Variants in TRAPPC9 observed in about 807,000 individuals in gnomAD.
TRAPPC9 encodes the protein IKK2 binding protein.
A neutral mutation model predicts 124.0 loss-of-function variants in TRAPPC9; 83 were observed. The ratio of observed to expected loss-of-function variants is 0.67; its 90% CI spans 0.56 to 0.80. The LOEUF (loss-of-function observed/expected upper bound fraction) is 0.80. Among genes scored for constraint, TRAPPC9 ranks in the 30% least tolerant of loss-of-function variants. TRAPPC9 has a pLI of 0.00. For missense variants in TRAPPC9, 1,302 were observed against 1,508.3 expected (o/e 0.86, Z 2.27); for synonymous variants, 638 against 617.5 (o/e 1.03, Z -0.49).
chr8:140,023,662 T>G (rs1839948093), intron 18 of TRAPPC9, among the ~76,000 whole-genome samples: 1 of 152,122 alleles, frequency 6.6e-6, no homozygotes, highest in Non-Finnish European at 1.5e-5. Context: ...GTGTGCACAG[T>G]GAGAACCACA....
intron 17 of TRAPPC9, among the ~76,000 whole-genome samples, chr8:140,190,595 G>A (rs1172245088): frequency 6.6e-6 from 1 of 152,208 alleles, no homozygotes; most frequent in Non-Finnish European, 1.5e-5. Context: ...GCAGAGCCTG[G>A]AGGAACCAGA....
At chr8:139,771,404 C>A (rs1820950858) in intron 21 of TRAPPC9, among the ~76,000 whole-genome samples, 1 of 152,148 alleles carries the variant, frequency 6.6e-6, no homozygotes, top group Admixed American at 6.5e-5. Context: ...TGTAGAAACA[C>A]AGTGTATGCC....
At chr8:140,173,230 T>C (rs564701703) in intron 17 of TRAPPC9, among the ~76,000 whole-genome samples, 2 of 152,266 alleles carry the variant, frequency 1.3e-5, no homozygotes, top group Admixed American at 6.5e-5. Flanking sequence ...GATGGGGCAG[T>C]GGAATCACAA....
chr8:139,907,470 T>C lies in TRAPPC9; in HGVS notation c.2964+2677A>G, dbSNP rs974783361. ...GGTTTACAATAGCAAAATTCTGCTA[T>C]TCCTCTGACACCAGATGTCATCAAC... is the stretch of plus-strand genomic sequence containing the variant. On this transcript the variant is annotated intron_variant, in intron 20 of 22. Transcript: ENST00000438773. This position sits in a 1 kb window ranked among gnomAD's most constrained non-coding sequence, Gnocchi z 4.7. Among the ~76,000 whole-genome samples the C allele has an allele frequency of 1.3e-5, 2 of 150,628 alleles. No individual in the cohort carries two copies. The highest frequency in any genetic ancestry group is 1.5e-5 in the Non-Finnish European group (1 of 67,714).
At chr8:140,061,260 G>A (rs1432827819) in intron 17 of TRAPPC9, among the ~76,000 whole-genome samples, 1 of 152,140 alleles carries the variant, frequency 6.6e-6, no homozygotes, top group African/African-American at 2.4e-5. Flanking sequence ...AAAGAGGCAA[G>A]GTGTTCACGG....
chr8:140,033,658 G>GTT lies in TRAPPC9; in HGVS notation c.2557-9581_2557-9580dup, dbSNP rs776155126. Among the ~76,000 whole-genome samples the GTT allele has an allele frequency of 6.4e-4, 27 of 42,394 alleles. 3 individuals carry two copies. Among genetic ancestry groups the GTT allele is most frequent in the South Asian group, 1.3e-3 (1 of 784 alleles). 27.8% of individuals were successfully genotyped at this position (42,394 alleles called of 152,430 possible). Reference sequence around the variant, plus strand: ...TTGAAATGCAACTCTTCATAATGTGGTTTTTTTTTTTTTTTTTTTTTTTTT... The same window carrying GTT: ...TTGAAATGCAACTCTTCATAATGTGGTTTTTTTTTTTTTTTTTTTTTTTTTTT... On this transcript the variant is annotated intron_variant, in intron 17 of 22. Transcript: ENST00000438773.
At chr8:140,393,394 C>T (rs538547476) in intron 7 of TRAPPC9, among the ~76,000 whole-genome samples, 1 of 152,234 alleles carries the variant, frequency 6.6e-6, no homozygotes, top group South Asian at 2.1e-4. Context: ...TGTAAAAATC[C>T]ACATGTCCAA....
chr8:140,373,191 T>C (rs2068332676), intron 7 of TRAPPC9, among the ~76,000 whole-genome samples: 1 of 152,230 alleles, frequency 6.6e-6, no homozygotes, highest in African/African-American at 2.4e-5. Flanking sequence ...GCCTCCATGC[T>C]AATGACAGGC....
At chr8:140,450,651 CAG>C (rs2071421300) in intron 2 of TRAPPC9, 137 bp downstream of exon 2, 2 of 756,296 alleles carry the variant, frequency 2.6e-6, no homozygotes, top group Non-Finnish European at 2.2e-6. Context: ...AGCACTCAAA[CAG>C]ATTCTGACAG....
At chr8:140,179,387 G>A (rs1291739261) in intron 17 of TRAPPC9, among the ~76,000 whole-genome samples, 1 of 152,092 alleles carries the variant, frequency 6.6e-6, no homozygotes, top group African/African-American at 2.4e-5. Flanking sequence ...GCTTACCAAT[G>A]TATCTTAATG....
intron 21 of TRAPPC9, among the ~76,000 whole-genome samples, chr8:139,877,769 C>G (rs1185958558): frequency 6.6e-6 from 1 of 152,218 alleles, no homozygotes; most frequent in South Asian, 2.1e-4. Context: ...AACATGCTCT[C>G]TGCTGGGCTC....
At chr8:139,924,301 A>G (rs1041722634) in intron 19 of TRAPPC9, among the ~76,000 whole-genome samples, 3 of 152,224 alleles carry the variant, frequency 2.0e-5, no homozygotes, top group African/African-American at 7.2e-5. Context: ...CATGCACCTG[A>G]TGGCCAGCAG....
At chr8:140,344,067 T>C (rs2067267509) in intron 9 of TRAPPC9, among the ~76,000 whole-genome samples, 1 of 152,194 alleles carries the variant, frequency 6.6e-6, no homozygotes, top group African/African-American at 2.4e-5. Context: ...CCCAAGGTGA[T>C]GGGATTAAGA....
At chr8:140,121,531 C>G (rs2060985251) in intron 17 of TRAPPC9, among the ~76,000 whole-genome samples, 1 of 152,172 alleles carries the variant, frequency 6.6e-6, no homozygotes, top group Non-Finnish European at 1.5e-5. Flanking sequence ...GTGGTGCAGG[C>G]CTGTGGCAGG....
At chr8:140,033,975 C>T (rs539594958) in intron 17 of TRAPPC9, among the ~76,000 whole-genome samples, 5 of 152,252 alleles carry the variant, frequency 3.3e-5, no homozygotes, top group African/African-American at 1.2e-4. Context: ...AGCCACTGTG[C>T]CCAGCCCATT....
chr8:139,834,751 T>C (rs1458842790), intron 21 of TRAPPC9, among the ~76,000 whole-genome samples: 2 of 152,196 alleles, frequency 1.3e-5, no homozygotes, highest in African/African-American at 2.4e-5. Flanking sequence ...CTCCTTGCCA[T>C]GTCCAAGTTC....
At chr8:140,085,905 A>G (rs550735907) in intron 17 of TRAPPC9, among the ~76,000 whole-genome samples, 16 of 152,242 alleles carry the variant, frequency 1.1e-4, no homozygotes, top group African/African-American at 3.9e-4. Context: ...CTCTCCCCTA[A>G]GCCTATAGCT....
At chr8:140,262,180 T>G (rs558235832) in intron 15 of TRAPPC9, among the ~76,000 whole-genome samples, 1 of 152,292 alleles carries the variant, frequency 6.6e-6, no homozygotes, top group South Asian at 2.1e-4. Flanking sequence ...CCTGAAAGCC[T>G]GTGAAATCAT....
chr8:139,802,481 C>A (rs765849548), intron 21 of TRAPPC9, among the ~76,000 whole-genome samples: 3 of 152,186 alleles, frequency 2.0e-5, no homozygotes, highest in Admixed American at 6.5e-5. Flanking sequence ...GCTCCCAGCA[C>A]CACCCAGTGA....
Sources: gnomAD v4.1 joint callset for allele counts (sites outside exome capture counted in the v4.1 genomes callset) on GRCh38, gnomAD v4.1.1 for gene constraint, Gnocchi (gnomAD v3.1) non-coding constraint, MANE v1.5 for transcripts, NCBI Gene and HGNC (gene_info 2026-07-23, HGNC 2026-07-21) for gene names.